Variants in PDE7B observed in about 807,000 individuals in gnomAD.
PDE7B encodes phosphodiesterase 7B, also known as 3',5'-cyclic-AMP phosphodiesterase 7B.
A neutral mutation model predicts 56.2 loss-of-function variants in PDE7B; 29 were observed. That is an observed-to-expected ratio of 0.52 (90% CI 0.38 to 0.70). The LOEUF (loss-of-function observed/expected upper bound fraction) is 0.70. Among genes scored for constraint, PDE7B ranks in the 30% least tolerant of loss-of-function variants. The probability of loss-of-function intolerance (pLI) is 0.00; values close to 1 mark genes in which losing one functional copy is unlikely to be tolerated. For synonymous variants in PDE7B, 197 were observed against 196.9 expected (o/e 1.00, Z 0.00); for missense variants, 490 against 565.0 (o/e 0.87, Z 1.35).
At chr6:135,979,754 T>C (rs1775260931) in intron 2 of PDE7B, among the ~76,000 whole-genome samples, 1 of 152,128 alleles carries the variant, frequency 6.6e-6, no homozygotes, top group African/African-American at 2.4e-5. Flanking sequence ...GAAGGACCTC[T>C]TCAAGGAGAA....
At chr6:135,859,262 C>T (rs1775098416) in intron 1 of PDE7B, among the ~76,000 whole-genome samples, 1 of 152,052 alleles carries the variant, frequency 6.6e-6, no homozygotes, top group Non-Finnish European at 1.5e-5. Context: ...TTCTATGTGA[C>T]AGAAATATAG....
chr6:136,125,255 A>T (rs1372381184), intron 3 of PDE7B, among the ~76,000 whole-genome samples: 1 of 152,122 alleles, frequency 6.6e-6, no homozygotes, highest in Non-Finnish European at 1.5e-5. Flanking sequence ...TCTGTTTTTT[A>T]TTGATACTAA....
At chr6:136,106,198 C>T (rs541191388) in intron 2 of PDE7B, among the ~76,000 whole-genome samples, 11 of 152,314 alleles carry the variant, frequency 7.2e-5, no homozygotes, top group Non-Finnish European at 1.6e-4. Flanking sequence ...CAGTCTCCTC[C>T]ATGCATCATT....
intron 2 of PDE7B, among the ~76,000 whole-genome samples, chr6:135,969,735 T>A (rs565923423): frequency 3.4e-4 from 52 of 152,130 alleles, no homozygotes; most frequent in African/African-American, 1.2e-3. Flanking sequence ...GATGAAAACA[T>A]CAAAAGCCAA....
At chr6:136,135,013 G>A (rs1778188778) in intron 3 of PDE7B, among the ~76,000 whole-genome samples, 1 of 151,634 alleles carries the variant, frequency 6.6e-6, no homozygotes, top group African/African-American at 2.4e-5. Context: ...ATTTCACTCT[G>A]CCTTAAAGAA....
chr6:136,040,150 T>C (rs570646332), intron 2 of PDE7B, among the ~76,000 whole-genome samples: 1 of 152,338 alleles, frequency 6.6e-6, no homozygotes, highest in African/African-American at 2.4e-5. Context: ...TCTCTACCAC[T>C]GCCTCACATT....
rs117118669 is a variant in PDE7B, at chr6:136,047,082, G to T, written c.83-61649G>T. Among the ~76,000 whole-genome samples the T allele has an allele frequency of 1.2e-4, 18 of 152,274 alleles. 1 individual carries two copies. In the East Asian group the frequency reaches 3.3e-3, roughly 28 times the overall value. ...TCACACACTGGTTAAGTTACTATGT[G>T]CTAGGCCCTATCCTTGAGCATTGCG... On this transcript the variant is annotated intron_variant, in intron 2 of 12. Transcript: ENST00000308191.
intron 8 of PDE7B, among the ~76,000 whole-genome samples, chr6:136,173,206 G>A (rs924465977): frequency 2.3e-4 from 35 of 152,226 alleles, no homozygotes; most frequent in African/African-American, 8.2e-4. Context: ...TCAATCCTAA[G>A]CCAAAAGAAC....
intron 2 of PDE7B, among the ~76,000 whole-genome samples, chr6:136,069,646 C>A (rs1777011458): frequency 6.6e-6 from 1 of 152,132 alleles, no homozygotes; most frequent in Non-Finnish European, 1.5e-5. Flanking sequence ...TTAAATGAGT[C>A]ATTTTCAGCT....
chr6:136,117,534 T>C (rs1777860304), intron 3 of PDE7B, among the ~76,000 whole-genome samples: 1 of 152,228 alleles, frequency 6.6e-6, no homozygotes. Context: ...TCTTTCTAAC[T>C]AGCAGACCAA....
chr6:135,993,128 G>C (rs1446375822), intron 2 of PDE7B: 1 of 152,200 alleles, frequency 6.6e-6, no homozygotes, highest in Admixed American at 6.6e-5. Flanking sequence ...CATTGGGCCA[G>C]GTCACATTTC....
At chr6:136,181,509 T>C (rs1779067274) in intron 11 of PDE7B, among the ~76,000 whole-genome samples, 186 bp downstream of exon 11, 1 of 152,178 alleles carries the variant, frequency 6.6e-6, no homozygotes, top group Non-Finnish European at 1.5e-5. Flanking sequence ...TAAAAATAAA[T>C]AACATTGACG....
chr6:136,084,256 G>A (rs1179037715), intron 2 of PDE7B, among the ~76,000 whole-genome samples: 4 of 152,270 alleles, frequency 2.6e-5, no homozygotes, highest in South Asian at 4.1e-4. Flanking sequence ...ATGCAACCGA[G>A]TAGCTTTCCC....
At chr6:135,974,662 G>T (rs1022915616) in intron 2 of PDE7B, among the ~76,000 whole-genome samples, 2 of 152,228 alleles carry the variant, frequency 1.3e-5, no homozygotes, top group Non-Finnish European at 2.9e-5. Flanking sequence ...TATCTAGGCA[G>T]TTACACCCCA....
intron 11 of PDE7B, 60 bp from the exon 12 acceptor site, chr6:136,186,976 T>C: frequency 1.2e-6 from 1 of 859,360 alleles, no homozygotes; most frequent in Non-Finnish European, 2.0e-6. Context: ...AAATTATTAA[T>C]ACTCATTTTA....
chr6:135,869,061 C>T lies in PDE7B; in HGVS notation c.21+17042C>T, dbSNP rs555806666. On this transcript the variant is annotated intron_variant, in intron 1 of 12. Coordinates refer to ENST00000308191, the MANE Select transcript of PDE7B (RefSeq NM_018945.4). ...TATCAGCAATTTCATATGGCCCAAT[C>T]GTGTGTGTGTATGTATACTTGTACA... 1.3e-3 allele frequency among the ~76,000 whole-genome samples: 205 copies of T among 152,084 alleles called. 1 individual carries two copies. Among genetic ancestry groups the T allele is most frequent in the African/African-American group, 4.6e-3 (192 of 41,504 alleles).
rs1779295037 is a variant in PDE7B at position 136,195,219 on chromosome 6, A to AT, written c.*3382dup. 1 of 152,078 alleles carries AT rather than the reference A, an allele frequency of 6.6e-6. No homozygotes were observed. The highest frequency in any genetic ancestry group is 1.5e-5 in the Non-Finnish European group (1 of 68,022). The allele number at this position is 152,078 out of a possible 1,614,324, so 9.4% of individuals were successfully genotyped here. A position where few individuals can be genotyped will look rare whatever the true frequency, so the allele number is the denominator to read the frequency against. On this transcript the variant is annotated 3_prime_UTR_variant, in exon 13 of 13. Transcript: ENST00000308191. ...TGCTAGGCTAAGTAGAAACCAGGTTATTTCTCCCTGCTTATGGCTCCCCGC... is the reference window on the plus strand; with the variant it reads ...TGCTAGGCTAAGTAGAAACCAGGTTATTTTCTCCCTGCTTATGGCTCCCCGC...
chr6:136,037,790 C>T (rs1445045251), intron 2 of PDE7B: 2 of 985,300 alleles, frequency 2.0e-6, no homozygotes, highest in African/African-American at 3.5e-5. Flanking sequence ...CGACAAAGAG[C>T]TAAGAGTCAA....
intron 2 of PDE7B, among the ~76,000 whole-genome samples, chr6:136,100,480 G>A (rs1173047471): frequency 6.6e-6 from 1 of 152,132 alleles, no homozygotes; most frequent in African/African-American, 2.4e-5. Context: ...CCTTGAAGAG[G>A]TCCTTCACAT....
Sources: gnomAD v4.1 joint callset for allele counts (sites outside exome capture counted in the v4.1 genomes callset) on GRCh38, gnomAD v4.1.1 for gene constraint, MANE v1.5 for transcripts, NCBI Gene and HGNC (gene_info 2026-07-23, HGNC 2026-07-21) for gene names.